PAMR1: variants seen among roughly 807,000 people sequenced by gnomAD.
PAMR1 encodes inactive serine protease PAMR1.
PAMR1 carries 88 observed loss-of-function variants against 81.8 expected under a neutral mutation model. That is an observed-to-expected ratio of 1.08 (90% CI 0.91 to 1.28). The LOEUF (loss-of-function observed/expected upper bound fraction) is 1.28, where lower values mean the gene tolerates loss of function less well. Ranked by LOEUF, PAMR1 falls within the 50% of genes most tolerant of loss-of-function variation. The probability of loss-of-function intolerance (pLI) is 0.00; values close to 1 mark genes in which losing one functional copy is unlikely to be tolerated. For missense variants in PAMR1, 935 were observed against 919.7 expected (o/e 1.02, Z -0.21); for synonymous variants, 336 against 345.3 (o/e 0.97, Z 0.30).
chr11:35,477,282 T>C (rs1850301516), intron 3 of PAMR1, among the ~76,000 whole-genome samples: 1 of 152,216 alleles, frequency 6.6e-6, no homozygotes, highest in Admixed American at 6.5e-5. Flanking sequence ...TGCATATTTG[T>C]TGAATAAAAG....
chr11:35,474,856 A>C, intron 3 of PAMR1, 112 bp from the exon 4 acceptor site: 2 of 669,976 alleles, frequency 3.0e-6, no homozygotes, highest in Non-Finnish European at 5.2e-6. Context: ...AACAGGATGA[A>C]TAGGGAAAAG....
chr11:35,452,446 G>C (rs1343280688), intron 6 of PAMR1, among the ~76,000 whole-genome samples: 1 of 152,132 alleles, frequency 6.6e-6, no homozygotes, highest in Non-Finnish European at 1.5e-5. Flanking sequence ...CAAATAATAT[G>C]CAAAGAAATA....
chr11:35,468,609 G>T (rs1364317434), intron 5 of PAMR1, among the ~76,000 whole-genome samples: 2 of 152,228 alleles, frequency 1.3e-5, no homozygotes, highest in African/African-American at 4.8e-5. Context: ...AGATGTTGAT[G>T]TGTTTTACTA....
At chr11:35,528,758 A>G (rs578091360), upstream of PAMR1, among the ~76,000 whole-genome samples, 1 of 152,334 alleles carries the variant, frequency 6.6e-6, no homozygotes, top group Admixed American at 6.5e-5. Flanking sequence ...CTCTAGGTTC[A>G]GGGGTCTGGA....
chr11:35,461,313 G>A (rs1667471316), intron 6 of PAMR1, among the ~76,000 whole-genome samples: 1 of 152,222 alleles, frequency 6.6e-6, no homozygotes, highest in Admixed American at 6.5e-5. Context: ...TGGGTGCTCT[G>A]TTCCCAGCTC....
At chr11:35,487,407 T>C (rs1011401368) in intron 3 of PAMR1, among the ~76,000 whole-genome samples, 3 of 152,150 alleles carry the variant, frequency 2.0e-5, no homozygotes, top group Non-Finnish European at 4.4e-5. Context: ...TTTCATGTCC[T>C]TCCCAGCTGG....
At chr11:35,453,981 G>A (rs2135358385) in intron 6 of PAMR1, among the ~76,000 whole-genome samples, 1 of 152,262 alleles carries the variant, frequency 6.6e-6, no homozygotes, top group Non-Finnish European at 1.5e-5. Context: ...AATCAAAGGT[G>A]CATTTCTCTG....
At chr11:35,497,119 T>C (rs1223692456) in intron 1 of PAMR1, among the ~76,000 whole-genome samples, 1 of 152,188 alleles carries the variant, frequency 6.6e-6, no homozygotes, top group Admixed American at 6.5e-5. Flanking sequence ...TGAGCCAAGA[T>C]TGTGTCATTG....
chr11:35,522,163 CTG>C (rs1427683166), intron 1 of PAMR1, among the ~76,000 whole-genome samples: 1 of 152,172 alleles, frequency 6.6e-6, no homozygotes, highest in Non-Finnish European at 1.5e-5. Context: ...ACCTCGTGAT[CTG>C]CCCGCCCTGG....
At chr11:35,526,717 T>C (rs1379546195), upstream of PAMR1, among the ~76,000 whole-genome samples, 6 of 152,314 alleles carry the variant, frequency 3.9e-5, no homozygotes, top group Middle Eastern at 3.4e-3. Context: ...ATAGAGCTTC[T>C]TAGGATGCTA....
intron 7 of PAMR1, 152 bp downstream of exon 7, chr11:35,441,329 A>T: frequency 1.6e-6 from 1 of 638,572 alleles, no homozygotes; most frequent in Non-Finnish European, 2.8e-6. Context: ...AAATATTTTT[A>T]GGATGGTTTC....
At chr11:35,482,217 A>T (rs10742348) in intron 3 of PAMR1, among the ~76,000 whole-genome samples, 2 of 152,134 alleles carry the variant, frequency 1.3e-5, no homozygotes, top group African/African-American at 2.4e-5. Context: ...TTTGTATAAG[A>T]TGTAAGGAAG....
At chr11:35,475,314 T>C (rs1050119180) in intron 3 of PAMR1, among the ~76,000 whole-genome samples, 4 of 152,202 alleles carry the variant, frequency 2.6e-5, no homozygotes, top group African/African-American at 9.6e-5. Context: ...TTGGACTGGA[T>C]TGATGATTTT....
chr11:35,493,759 T>C (rs1177181377), intron 2 of PAMR1, among the ~76,000 whole-genome samples: 2 of 152,208 alleles, frequency 1.3e-5, no homozygotes, highest in African/African-American at 4.8e-5. Flanking sequence ...CTGTTCTCCA[T>C]ATCCCCCCAG....
intron 3 of PAMR1, among the ~76,000 whole-genome samples, chr11:35,488,631 G>C (rs1368487335): frequency 1.1e-5 from 1 of 91,484 alleles, no homozygotes; most frequent in Non-Finnish European, 2.3e-5. Flanking sequence ...AAAGTTGTCT[G>C]TATTCTTTTT....
Position 35,432,610 on chromosome 11 carries a change from G to C in PAMR1, c.1909C>G (p.His637Asp). Residue 637 changes from histidine (H) to aspartate (D), a missense_variant, in exon 11 of 11, where the codon CAT becomes GAT. By Grantham distance (81) the His-to-Asp change is moderately conservative (BLOSUM62 -1). Coordinates refer to ENST00000619888, the MANE Select transcript of PAMR1 (RefSeq NM_001001991.3). Reference protein sequence around the residue: ...SLLCEEQHEDHGIPVSVTDNM... With the variant: ...SLLCEEQHEDDGIPVSVTDNM... ...TCAGTGACACTCACTGGGATGCCAT[G>C]GTCCTCATGCTGCTCCTCACACAGC... The C allele has an allele frequency of 6.2e-7, 1 of 1,614,096 alleles. No homozygotes were observed. The highest frequency in any genetic ancestry group is 8.5e-7 in the Non-Finnish European group (1 of 1,179,982).
In PAMR1 at chr11:35,432,428, G is replaced by T; in HGVS notation, c.2091C>A (p.Cys697Ter). The change falls in exon 11 of 11, where the codon TGC becomes TGA. Residue 697 changes from cysteine to a stop codon, truncating the protein, a stop_gained. Coordinates refer to ENST00000619888, the MANE Select transcript of PAMR1 (RefSeq NM_001001991.3). LOFTEE classifies it high-confidence loss of function. ...TGAAGGCAGTGGAGAGCCTGTGGCTGCATGTTTTATCATAGCTCCAGCTGA... is the reference window on the plus strand; with the variant it reads ...TGAAGGCAGTGGAGAGCCTGTGGCTTCATGTTTTATCATAGCTCCAGCTGA... ...GLVSWSYDKT[C>*]SHRLSTAFTK... 6.2e-7 allele frequency: 1 copy of T among 1,614,084 alleles called. No homozygotes were observed. Among genetic ancestry groups the T allele is most frequent in the Non-Finnish European group, 8.5e-7 (1 of 1,179,992 alleles).
At chr11:35,526,560 A>C (rs558334616), upstream of PAMR1, among the ~76,000 whole-genome samples, 3 of 152,214 alleles carry the variant, frequency 2.0e-5, no homozygotes, top group Non-Finnish European at 4.4e-5. Flanking sequence ...CTCACAATAA[A>C]CCTAGCCTCT....
intron 3 of PAMR1, among the ~76,000 whole-genome samples, chr11:35,485,869 G>T (rs149512837): frequency 6.6e-6 from 1 of 152,202 alleles, no homozygotes; most frequent in East Asian, 1.9e-4. Context: ...TGTCTGAAAG[G>T]ATCGCTTGGG....
Sources: allele counts gnomAD v4.1 joint callset (sites outside exome capture counted in the v4.1 genomes callset), GRCh38; gene constraint gnomAD v4.1.1; transcripts MANE v1.5; gene names NCBI Gene and HGNC (gene_info 2026-07-23, HGNC 2026-07-21).